The following FBXO16 variants were observed in gnomAD, a reference collection of about 807,000 sequenced individuals.
FBXO16 encodes the protein F-box protein 16.
In FBXO16, 31 loss-of-function variants were observed where a neutral mutation model predicts 41.0. That is an observed-to-expected ratio of 0.76 (90% CI 0.57 to 1.02). The LOEUF is 1.02. FBXO16 is among the 50% of genes least tolerant of loss of function. The pLI is 0.00. For synonymous variants in FBXO16, 133 were observed against 117.8 expected (o/e 1.13, Z -0.84); for missense variants, 361 against 346.2 (o/e 1.04, Z -0.34).
At chr8:28,478,524 A>C (rs11136047) in intron 2 of FBXO16, among the ~76,000 whole-genome samples, 40,670 of 152,054 alleles carry the variant, frequency 0.27, 5,597 homozygotes, top group Middle Eastern at 0.32. Context: ...ACCAAATCTC[A>C]TATCAAATTG....
At chr8:28,477,415 T>A (rs146365119) in intron 2 of FBXO16, among the ~76,000 whole-genome samples, 70 of 152,334 alleles carry the variant, frequency 4.6e-4, no homozygotes, top group Middle Eastern at 3.4e-3. Flanking sequence ...ACAGTTAGAA[T>A]GTTAGATCCA....
At chr8:28,470,093 C>T (rs1563367715) in intron 3 of FBXO16, among the ~76,000 whole-genome samples, 1 of 150,832 alleles carries the variant, frequency 6.6e-6, no homozygotes, top group Non-Finnish European at 1.5e-5. Context: ...ACTCGGGAGG[C>T]TGAGGCAGGA....
intron 1 of FBXO16, among the ~76,000 whole-genome samples, chr8:28,483,857 T>C (rs912936010): frequency 1.3e-5 from 2 of 151,982 alleles, no homozygotes; most frequent in Admixed American, 1.3e-4. Flanking sequence ...ACAATACTAA[T>C]ACCATATAAT....
rs186604608 is a variant in FBXO16, at chr8:28,482,799, G to A, written c.99+549C>T. On this transcript the variant is annotated intron_variant, in intron 2 of 8. Transcript: ENST00000380254. ...TCACCATGTTAACCAGGCTGGTCTC[G>A]AACCCCTGACCTCAGATGATCCACC... Among the ~76,000 whole-genome samples the A allele has an allele frequency of 5.5e-4, 84 of 151,488 alleles. 2 individuals are homozygous for A. The highest frequency in any genetic ancestry group is 3.4e-3 in the Middle Eastern group (1 of 294).
intron 4 of FBXO16, among the ~76,000 whole-genome samples, chr8:28,459,648 A>G (rs1239029109): frequency 6.8e-6 from 1 of 146,912 alleles, no homozygotes; most frequent in Non-Finnish European, 1.5e-5. Context: ...TAATAATAAT[A>G]ATAATAATAA....
chr8:28,428,705 A>G lies in FBXO16; in HGVS notation c.*22T>C. 1 of 1,574,784 alleles carries G rather than the reference A, an allele frequency of 6.4e-7. No individual in the cohort carries two copies. Among genetic ancestry groups the G allele is most frequent in the Non-Finnish European group, 8.6e-7 (1 of 1,162,408 alleles). ...GGGAGGCCAGGCGAGATGAGCTGGA[A>G]CTTTTAGGGGAGAGCTGGCACTTAG... On this transcript the variant is annotated 3_prime_UTR_variant, in exon 9 of 9. Coordinates refer to ENST00000380254, the MANE Select transcript of FBXO16 (RefSeq NM_172366.4).
chr8:28,465,068 T>A (rs1417097372), intron 3 of FBXO16: 1 of 153,138 alleles, frequency 6.5e-6, no homozygotes, highest in African/African-American at 2.4e-5. Context: ...TACAACAAGT[T>A]AACTTCATCA....
intron 4 of FBXO16, among the ~76,000 whole-genome samples, chr8:28,457,528 T>C (rs1051398273): frequency 8.5e-5 from 13 of 152,134 alleles, no homozygotes; most frequent in African/African-American, 3.1e-4. Flanking sequence ...TCTTACATGG[T>C]GGCAGGCAAG....
intron 4 of FBXO16, among the ~76,000 whole-genome samples, chr8:28,460,099 G>A (rs1318275712): frequency 6.6e-6 from 1 of 150,864 alleles, no homozygotes; most frequent in African/African-American, 2.4e-5. Context: ...AGAAACAAAG[G>A]AAGTCCCTCT....
intron 4 of FBXO16, among the ~76,000 whole-genome samples, chr8:28,462,489 A>G (rs1186505032): frequency 1.3e-5 from 2 of 151,140 alleles, no homozygotes; most frequent in South Asian, 4.2e-4. Context: ...TGTGTTAGCC[A>G]GGATGGTCTC....
At chr8:28,451,548 G>A (rs1385436328) in intron 6 of FBXO16, among the ~76,000 whole-genome samples, 1 of 151,008 alleles carries the variant, frequency 6.6e-6, no homozygotes, top group East Asian at 1.9e-4. Context: ...GTATTTATAA[G>A]TAAATATTTT....
Position 28,448,965 on chromosome 8 carries a change from C to G in FBXO16, c.741-1692G>C, listed in dbSNP as rs571982012. 9 of 152,302 alleles carry G rather than the reference C, an allele frequency of 5.9e-5. No individual in the cohort carries two copies. In the South Asian group the frequency reaches 1.9e-3, roughly 32 times the overall value. The allele number at this position is 152,302 out of a possible 1,614,324, so 9.4% of individuals were successfully genotyped here. A position where few individuals can be genotyped will look rare whatever the true frequency, so the allele number is the denominator to read the frequency against. On this transcript the variant is annotated intron_variant, in intron 6 of 8. Coordinates refer to ENST00000380254, the MANE Select transcript of FBXO16 (RefSeq NM_172366.4). ...CTTGCCATTTACAGGAAAAGTTTGC[C>G]TGATGTAATGGATCTAGGCGATGAG... is the stretch of plus-strand genomic sequence containing the variant.
At position 28,456,677 on chromosome 8, in the gene FBXO16, C is replaced by T. The variant is rs1307927065; in HGVS notation, c.507+89G>A. The stretch of plus-strand genomic sequence containing the variant: ...ATGTCCTTTGAACTACCTCCCTTCC[C>T]CAACTTCCAGTCTGATCCTTTATTC... On this transcript the variant is annotated intron_variant, in intron 5 of 8. Transcript: ENST00000380254. 1.4e-5 allele frequency: 20 copies of T among 1,459,254 alleles called. No homozygotes were observed. In the South Asian group the frequency reaches 2.5e-4, roughly 18 times the overall value. 90.4% of individuals were successfully genotyped at this position (1,459,254 alleles called of 1,614,324 possible).
chr8:28,433,070 AAAAC>A (rs1242358474), intron 7 of FBXO16, among the ~76,000 whole-genome samples: 4 of 144,260 alleles, frequency 2.8e-5, no homozygotes, highest in South Asian at 2.5e-4. Context: ...AAAAAAAAAA[AAAAC>A]AAACAAAAAA....
At chr8:28,466,435 G>A (rs1803242444) in intron 3 of FBXO16, among the ~76,000 whole-genome samples, 1 of 151,984 alleles carries the variant, frequency 6.6e-6, no homozygotes, top group Non-Finnish European at 1.5e-5. Context: ...TGATTCATGT[G>A]TGAGTGTTCC....
At chr8:28,484,838 C>G (rs572959949) in intron 1 of FBXO16, among the ~76,000 whole-genome samples, 15 of 151,998 alleles carry the variant, frequency 9.9e-5, no homozygotes, top group Admixed American at 7.2e-4. Context: ...CATGATCCAC[C>G]CCCCCTGGGC....
In FBXO16 at chr8:28,469,602, G is replaced by C. The variant is rs73557222; in HGVS notation, c.135+4170C>G. Among the ~76,000 whole-genome samples, 1,350 of 152,220 alleles carry C rather than the reference G, an allele frequency of 8.9e-3. 19 individuals carry two copies. The highest frequency in any genetic ancestry group is 0.031 in the African/African-American group (1,274 of 41,530). ...CCATCCCAGGGAACACTATGTAGCA[G>C]TTTAAAAAATAAACAAAATGGCTGG... On this transcript the variant is annotated intron_variant, in intron 3 of 8. Transcript: ENST00000380254.
chr8:28,463,835 A>G lies in FBXO16; in HGVS notation c.136-17T>C. 1.9e-6 allele frequency: 3 copies of G among 1,610,870 alleles called. No homozygotes were observed. The highest frequency in any genetic ancestry group is 2.5e-6 in the Non-Finnish European group (3 of 1,179,238). ...TTTGTCAAACTGGAAACACAAAACAAAGCAAAATGTAAAAAGCTCCAGGTT... is the reference window on the plus strand; with the variant it reads ...TTTGTCAAACTGGAAACACAAAACAGAGCAAAATGTAAAAAGCTCCAGGTT... On this transcript the variant is annotated splice_polypyrimidine_tract_variant and intron_variant, in intron 3 of 8. Transcript: ENST00000380254.
In FBXO16 at chr8:28,477,398, C is replaced by T. The variant is rs191890335; in HGVS notation, c.100-3591G>A. Reference sequence around the variant, plus strand: ...CTCCTCGGGCATCTATTTTTAATTCCTTTCACACAGTTAGAATGTTAGATC... The same window carrying T: ...CTCCTCGGGCATCTATTTTTAATTCTTTTCACACAGTTAGAATGTTAGATC... On this transcript the variant is annotated intron_variant, in intron 2 of 8. Transcript: ENST00000380254. 1.3e-3 allele frequency among the ~76,000 whole-genome samples: 195 copies of T among 152,220 alleles called. 1 individual carries two copies. Among genetic ancestry groups the T allele is most frequent in the African/African-American group, 4.5e-3 (189 of 41,548 alleles).
Sources: gnomAD v4.1 joint callset for allele counts (sites outside exome capture counted in the v4.1 genomes callset) on GRCh38, gnomAD v4.1.1 for gene constraint, MANE v1.5 for transcripts, NCBI Gene and HGNC (gene_info 2026-07-23, HGNC 2026-07-21) for gene names.